MEGF11: variants seen among roughly 807,000 people sequenced by gnomAD.
MEGF11 encodes multiple epidermal growth factor-like domains protein 11.
In MEGF11, 126 loss-of-function variants were observed where a neutral mutation model predicts 146.6. The ratio of observed to expected loss-of-function variants is 0.86; its 90% CI spans 0.74 to 1.00. The LOEUF (loss-of-function observed/expected upper bound fraction) is 1.00, where lower values mean the gene tolerates loss of function less well. Ranked by LOEUF, MEGF11 falls within the 50% of genes least tolerant of loss-of-function variation. The probability of loss-of-function intolerance (pLI) is 0.00; values close to 1 mark genes in which losing one functional copy is unlikely to be tolerated. For missense variants in MEGF11, 1,509 were observed against 1,521.2 expected (o/e 0.99, Z 0.13); for synonymous variants, 532 against 583.4 (o/e 0.91, Z 1.27).
At chr15:66,136,333 T>G (rs977047440) in intron 1 of MEGF11, among the ~76,000 whole-genome samples, 2 of 152,190 alleles carry the variant, frequency 1.3e-5, no homozygotes, top group African/African-American at 4.8e-5. Flanking sequence ...ATGGGCCTCT[T>G]TTGTGTGCTC....
At chr15:66,202,755 A>T (rs1378875370) in intron 1 of MEGF11, among the ~76,000 whole-genome samples, 1 of 151,906 alleles carries the variant, frequency 6.6e-6, no homozygotes, top group Non-Finnish European at 1.5e-5. Context: ...GCCAGTCAGG[A>T]CTCTGCTCCC....
chr15:65,960,335 A>G (rs2080815247), intron 9 of MEGF11, among the ~76,000 whole-genome samples: 1 of 152,284 alleles, frequency 6.6e-6, no homozygotes, highest in African/African-American at 2.4e-5. Flanking sequence ...GAATGGGTGT[A>G]AAGGATGAGT....
intron 1 of MEGF11, among the ~76,000 whole-genome samples, chr15:66,172,284 C>T (rs564812387): frequency 2.4e-4 from 36 of 152,346 alleles, no homozygotes; most frequent in African/African-American, 7.7e-4. Context: ...CTCACCCTGC[C>T]TCCCTCCAGG....
At chr15:66,109,593 A>G in intron 4 of MEGF11, among the ~76,000 whole-genome samples, 1 of 152,170 alleles carries the variant, frequency 6.6e-6, no homozygotes, top group South Asian at 2.1e-4. Flanking sequence ...GGAGAGGCAA[A>G]ACAACGTGCT....
intron 1 of MEGF11, among the ~76,000 whole-genome samples, chr15:66,239,151 A>G (rs1036520599): frequency 1.3e-5 from 2 of 152,196 alleles, no homozygotes; most frequent in African/African-American, 4.8e-5. Flanking sequence ...CTCGGGAAGG[A>G]CATTCTCCTC....
chr15:66,008,527 C>T (rs1024379412), intron 5 of MEGF11, among the ~76,000 whole-genome samples: 4 of 151,920 alleles, frequency 2.6e-5, no homozygotes, highest in African/African-American at 9.7e-5. Context: ...AGTGACTTGC[C>T]CACCGTAAAA....
intron 1 of MEGF11, among the ~76,000 whole-genome samples, chr15:66,194,931 T>A (rs551893236): frequency 4.1e-4 from 62 of 152,316 alleles, no homozygotes; most frequent in African/African-American, 1.4e-3. Context: ...TTGTCGTCAC[T>A]TGCTGCTCTT....
Position 65,897,950 on chromosome 15 carries a change from T to C in MEGF11, c.3407A>G (p.Gln1136Arg). The C allele has an allele frequency of 6.2e-7, 1 of 1,613,922 alleles. No homozygotes were observed. The highest frequency in any genetic ancestry group is 8.5e-7 in the Non-Finnish European group (1 of 1,179,830). The change falls in exon 26 of 26, where the codon CAG (glutamine) becomes CGG (arginine). Residue 1136 changes from glutamine (Q) to arginine (R), a missense_variant. Physicochemically the swap from Gln to Arg is conservative, Grantham distance 43. Transcript: ENST00000395614. ...VRQSPANGPSQDKQS is the reference protein window; with the variant it reads ...VRQSPANGPSRDKQS Reference sequence around the variant, plus strand: ...TTATCCCTCTTAAGATTGCTTGTCCTGGGACGGCCCATTGGCAGGGCTCTG... The same window carrying C: ...TTATCCCTCTTAAGATTGCTTGTCCCGGGACGGCCCATTGGCAGGGCTCTG...
chr15:66,123,390 T>C, intron 3 of MEGF11, among the ~76,000 whole-genome samples: 1 of 152,146 alleles, frequency 6.6e-6, no homozygotes, highest in East Asian at 1.9e-4. Flanking sequence ...CTGTCTTAGG[T>C]TGGGTTTTCC....
chr15:65,957,382 GC>G (rs2080690821), intron 10 of MEGF11, among the ~76,000 whole-genome samples, 164 bp downstream of exon 10: 1 of 152,168 alleles, frequency 6.6e-6, no homozygotes, highest in Non-Finnish European at 1.5e-5. Flanking sequence ...ACAAACCCTG[GC>G]CCTTTGAGAA....
intron 4 of MEGF11, among the ~76,000 whole-genome samples, chr15:66,095,823 G>A (rs558008606): frequency 1.3e-5 from 2 of 152,294 alleles, no homozygotes; most frequent in Middle Eastern, 3.4e-3. Flanking sequence ...GGTAGCCTTC[G>A]GGGAGGGTTG....
At chr15:66,006,897 A>G (rs2082537319) in intron 5 of MEGF11, among the ~76,000 whole-genome samples, 1 of 152,170 alleles carries the variant, frequency 6.6e-6, no homozygotes. Context: ...TTTCCCTTGG[A>G]AGCAGAGGAA....
At position 66,189,843 on chromosome 15, in the gene MEGF11, A is replaced by C. The variant is rs578187794; in HGVS notation, c.-8-61432T>G. Among the ~76,000 whole-genome samples the C allele has an allele frequency of 3.7e-4, 20 of 54,436 alleles. No homozygotes were observed. In the East Asian group the frequency reaches 7.5e-3, roughly 20 times the overall value. The allele number at this position is 54,436 out of a possible 152,430, so 35.7% of individuals were successfully genotyped here. A position where few individuals can be genotyped will look rare whatever the true frequency, so the allele number is the denominator to read the frequency against. ...CAACAGGGGAAAGATGAGGGGCATT[A>C]AATCCCACTCGAAAGCAATCGTATT... On this transcript the variant is annotated intron_variant, in intron 1 of 25. Coordinates refer to ENST00000395614, the MANE Select transcript of MEGF11 (RefSeq NM_001385028.1).
chr15:65,910,111 C>G (rs2078753301), intron 21 of MEGF11: 3 of 535,312 alleles, frequency 5.6e-6, no homozygotes, highest in South Asian at 4.9e-5. Flanking sequence ...GGGGGTGGGG[C>G]TGAGCTTTAG....
chr15:66,247,654 T>C (rs2092313662), intron 1 of MEGF11, among the ~76,000 whole-genome samples: 1 of 152,024 alleles, frequency 6.6e-6, no homozygotes, highest in Non-Finnish European at 1.5e-5. Context: ...AACAGGAGGA[T>C]CACTTGAGCC....
At chr15:66,035,503 C>A (rs759548318) in intron 5 of MEGF11, among the ~76,000 whole-genome samples, 1 of 152,230 alleles carries the variant, frequency 6.6e-6, no homozygotes, top group Admixed American at 6.5e-5. Flanking sequence ...CTTCTTCCCC[C>A]TTTACCTAGC....
chr15:66,230,843 A>G (rs1165678149), intron 1 of MEGF11, among the ~76,000 whole-genome samples: 1 of 152,188 alleles, frequency 6.6e-6, no homozygotes, highest in South Asian at 2.1e-4. Context: ...ATTCTCACCC[A>G]TATGTTCTAA....
intron 1 of MEGF11, among the ~76,000 whole-genome samples, chr15:66,166,146 G>A (rs561540421): frequency 4.6e-5 from 7 of 152,222 alleles, no homozygotes; most frequent in African/African-American, 1.2e-4. Flanking sequence ...TCCCTGGGAC[G>A]GCTGGTAGCT....
intron 1 of MEGF11, among the ~76,000 whole-genome samples, chr15:66,130,849 G>A (rs1216412482): frequency 6.6e-6 from 1 of 152,022 alleles, no homozygotes; most frequent in Non-Finnish European, 1.5e-5. Flanking sequence ...AACTTTAATG[G>A]GACTTTTCCA....
Sources: gnomAD v4.1 joint callset for allele counts (sites outside exome capture counted in the v4.1 genomes callset) on GRCh38, gnomAD v4.1.1 for gene constraint, MANE v1.5 for transcripts, NCBI Gene and HGNC (gene_info 2026-07-23, HGNC 2026-07-21) for gene names.